TLE4: variants seen among roughly 807,000 people sequenced by gnomAD.
TLE4 encodes transducin-like enhancer protein 4.
TLE4 carries 8 observed loss-of-function variants against 92.8 expected under a neutral mutation model. The observed-to-expected ratio is 0.09, with a 90% CI of 0.05 to 0.16. The LOEUF (loss-of-function observed/expected upper bound fraction) is 0.16. TLE4 is among the 10% of genes least tolerant of loss of function. The probability of loss-of-function intolerance (pLI) is 1.00; values close to 1 mark genes in which losing one functional copy is unlikely to be tolerated. For missense variants in TLE4, 675 were observed against 997.6 expected (o/e 0.68, Z 4.36); for synonymous variants, 371 against 374.1 (o/e 0.99, Z 0.10).
intron 8 of TLE4, among the ~76,000 whole-genome samples, chr9:79,698,033 G>T (rs951238355): frequency 1.3e-5 from 2 of 152,172 alleles, no homozygotes; most frequent in Admixed American, 6.5e-5. Context: ...TGCCAAAAGG[G>T]AATAGCTGTC....
At chr9:79,654,256 C>G (rs947916143) in intron 8 of TLE4, among the ~76,000 whole-genome samples, 181 bp downstream of exon 8, 2 of 148,050 alleles carry the variant, frequency 1.4e-5, no homozygotes, top group Non-Finnish European at 3.0e-5. Context: ...TTTAAAGGTC[C>G]CATTTCTCTA....
At chr9:79,573,388 G>A in intron 1 of TLE4, 13 of 1,175,134 alleles carry the variant, frequency 1.1e-5, no homozygotes, top group Non-Finnish European at 1.4e-5. Flanking sequence ...GGGAGTGGGC[G>A]CGGCGCGCGG....
intron 6 of TLE4, among the ~76,000 whole-genome samples, chr9:79,638,306 G>A (rs555888964): frequency 6.6e-6 from 1 of 152,212 alleles, no homozygotes; most frequent in African/African-American, 2.4e-5. Flanking sequence ...TTTGTGATAA[G>A]CTCTATACTT....
At chr9:79,618,496 G>A (rs1446256184) in intron 5 of TLE4, among the ~76,000 whole-genome samples, 1 of 152,166 alleles carries the variant, frequency 6.6e-6, no homozygotes, top group Admixed American at 6.6e-5. Flanking sequence ...ATGACCAGTG[G>A]CTTCCTAATT....
intron 8 of TLE4, among the ~76,000 whole-genome samples, chr9:79,678,302 A>G (rs1442748916): frequency 2.0e-5 from 3 of 152,240 alleles, no homozygotes; most frequent in African/African-American, 2.4e-5. Context: ...AACTTTGTAG[A>G]TGTTAATCTA....
At chr9:79,581,917 A>G (rs1178429902) in intron 4 of TLE4, among the ~76,000 whole-genome samples, 1 of 152,100 alleles carries the variant, frequency 6.6e-6, no homozygotes, top group Non-Finnish European at 1.5e-5. Flanking sequence ...AGTGGGTGAG[A>G]GGGTGAGGTT....
intron 8 of TLE4, among the ~76,000 whole-genome samples, chr9:79,666,477 G>A (rs752350383): frequency 2.6e-5 from 4 of 152,062 alleles, no homozygotes; most frequent in Non-Finnish European, 4.4e-5. Flanking sequence ...GACCTCAGGC[G>A]ATCCACCCAC....
chr9:79,722,220 G>A, intron 17 of TLE4, among the ~76,000 whole-genome samples: 1 of 152,128 alleles, frequency 6.6e-6, no homozygotes, highest in East Asian at 1.9e-4. Context: ...CCTACTGAAA[G>A]AAGAGGCAGT....
chr9:79,579,265 A>G (rs998135696), intron 4 of TLE4, among the ~76,000 whole-genome samples: 2 of 152,206 alleles, frequency 1.3e-5, no homozygotes, highest in African/African-American at 2.4e-5. Context: ...TGGCTTCTAA[A>G]TGGCACAGTG....
chr9:79,699,418 T>A (rs2069148378), intron 8 of TLE4, among the ~76,000 whole-genome samples: 1 of 152,170 alleles, frequency 6.6e-6, no homozygotes, highest in African/African-American at 2.4e-5. Flanking sequence ...TAAGAGTAAC[T>A]ATAATTTATC....
chr9:79,695,894 G>A (rs1003509398), intron 8 of TLE4, among the ~76,000 whole-genome samples: 32 of 152,234 alleles, frequency 2.1e-4, no homozygotes, highest in African/African-American at 7.2e-4. Flanking sequence ...CTGATGCTCT[G>A]AGAAGGAAAT....
At chr9:79,650,550 T>C (rs2058783655) in intron 6 of TLE4, among the ~76,000 whole-genome samples, 1 of 152,234 alleles carries the variant, frequency 6.6e-6, no homozygotes, top group Admixed American at 6.5e-5. Context: ...TTCATAGACG[T>C]TATTTTCTGC....
intron 8 of TLE4, among the ~76,000 whole-genome samples, chr9:79,674,709 A>G (rs1418980633): frequency 1.3e-5 from 2 of 152,144 alleles, no homozygotes; most frequent in Non-Finnish European, 2.9e-5. Context: ...GGATGTTTTA[A>G]TACTTCACAA....
At chr9:79,627,558 C>A in intron 6 of TLE4, 110 bp downstream of exon 6, 2 of 1,089,944 alleles carry the variant, frequency 1.8e-6, no homozygotes, top group Non-Finnish European at 2.7e-6. Context: ...TAGATGACTA[C>A]AAAATGAAAT....
chr9:79,707,971 A>C, intron 11 of TLE4, 147 bp from the exon 12 acceptor site: 1 of 786,604 alleles, frequency 1.3e-6, no homozygotes, highest in Non-Finnish European at 2.0e-6. Context: ...TTTCTTTGTT[A>C]ACTTTTCTAT....
intron 5 of TLE4, among the ~76,000 whole-genome samples, chr9:79,624,033 G>A (rs1284258416): frequency 1.3e-5 from 2 of 152,106 alleles, no homozygotes; most frequent in African/African-American, 4.8e-5. Flanking sequence ...TGTGGGTGGA[G>A]TGGGAAGAGA....
chr9:79,627,940 G>C (rs927323606), intron 6 of TLE4, among the ~76,000 whole-genome samples: 1 of 151,992 alleles, frequency 6.6e-6, no homozygotes, highest in African/African-American at 2.4e-5. Context: ...AGAAATAATA[G>C]ATGAACTACA....
At chr9:79,586,169 G>C (rs941274009) in intron 4 of TLE4, among the ~76,000 whole-genome samples, 4 of 152,032 alleles carry the variant, frequency 2.6e-5, no homozygotes, top group Non-Finnish European at 5.9e-5. Context: ...TCAGGAGATC[G>C]AGACTGTCCT....
chr9:79,615,832 C>CT (rs2049441848), intron 5 of TLE4, among the ~76,000 whole-genome samples: 1 of 152,152 alleles, frequency 6.6e-6, no homozygotes, highest in Non-Finnish European at 1.5e-5. Flanking sequence ...CCAATATATA[C>CT]TTTAATAATG....
Sources: gnomAD v4.1 joint callset for allele counts (sites outside exome capture counted in the v4.1 genomes callset) on GRCh38, gnomAD v4.1.1 for gene constraint, MANE v1.5 for transcripts, NCBI Gene and HGNC (gene_info 2026-07-23, HGNC 2026-07-21) for gene names.